The following CHODL variants were observed in gnomAD, a reference collection of about 807,000 sequenced individuals.
The protein encoded by CHODL is chondrolectin, also known as transmembrane protein MT75.
Under a neutral mutation model 34.5 loss-of-function variants are expected in CHODL, and 29 were observed. The ratio of observed to expected loss-of-function variants is 0.84; its 90% CI spans 0.63 to 1.15. The LOEUF (loss-of-function observed/expected upper bound fraction) is 1.15, where lower values mean the gene tolerates loss of function less well. Ranked by LOEUF, CHODL falls within the 50% of genes most tolerant of loss-of-function variation. The pLI, the probability that CHODL is intolerant of heterozygous loss-of-function variation, is 0.00. For synonymous variants in CHODL, 125 were observed against 116.1 expected, an observed-to-expected ratio of 1.08 and a Z score of -0.49; for missense variants, 332 against 332.5, an observed-to-expected ratio of 1.00 and a Z score of 0.01.
At chr21:17,942,329 G>A (rs1600990518) in intron 1 of CHODL, among the ~76,000 whole-genome samples, 1 of 152,124 alleles carries the variant, frequency 6.6e-6, no homozygotes, top group Non-Finnish European at 1.5e-5. Context: ...GAATCATGGG[G>A]GTGGGTCTTT....
At chr21:18,248,593 T>C (rs963854498) in intron 1 of CHODL, among the ~76,000 whole-genome samples, 38 of 136,378 alleles carry the variant, frequency 2.8e-4, no homozygotes, top group African/African-American at 9.1e-4. Context: ...TTTATATATA[T>C]ATATAAAATA....
At chr21:18,072,083 T>C (rs998389121) in intron 2 of CHODL, among the ~76,000 whole-genome samples, 13 of 152,078 alleles carry the variant, frequency 8.5e-5, no homozygotes, top group African/African-American at 2.4e-4. Flanking sequence ...CTATTAATAG[T>C]AAATGTAAAA....
In CHODL at chr21:18,116,769, C is replaced by T. The variant is rs76829176; in HGVS notation, c.-45+88798C>T. ...AGGGTGTGGGTGAATCAGAAGACGT[C>T]ACCTGCTAGGGAGTTGAAGCCTTTG... On this transcript the variant is annotated intron_variant, in intron 2 of 6. Coordinates refer to the CHODL transcript ENST00000400127. Among the ~76,000 whole-genome samples, 430 of 152,270 alleles carry T rather than the reference C, an allele frequency of 2.8e-3. 17 individuals carry two copies. In the East Asian group the frequency reaches 0.066, roughly 23 times the overall value.
intron 1 of CHODL, among the ~76,000 whole-genome samples, chr21:17,970,688 C>T (rs1006720128): frequency 1.7e-4 from 26 of 152,108 alleles, no homozygotes; most frequent in African/African-American, 5.6e-4. Flanking sequence ...GATTTTGCTA[C>T]ACCCATCACT....
intron 2 of CHODL, among the ~76,000 whole-genome samples, chr21:18,152,620 C>T (rs1049324192): frequency 2.0e-5 from 3 of 152,220 alleles, no homozygotes; most frequent in African/African-American, 7.2e-5. Context: ...ACATGGCTCT[C>T]TCAAAACATG....
intron 1 of CHODL, among the ~76,000 whole-genome samples, chr21:17,950,072 A>G (rs1480347195): frequency 1.3e-5 from 2 of 152,200 alleles, no homozygotes; most frequent in African/African-American, 4.8e-5. Flanking sequence ...CAAAATTCTC[A>G]AGTGCTTCAC....
At chr21:18,003,933 GAGGTATAATC>G (rs2063935552) in intron 1 of CHODL, among the ~76,000 whole-genome samples, 1 of 152,162 alleles carries the variant, frequency 6.6e-6, no homozygotes, top group Non-Finnish European at 1.5e-5. Context: ...ATATATTACA[GAGGTATAATC>G]ACTAACCCCA....
chr21:18,114,557 A>G (rs578033315), intron 2 of CHODL, among the ~76,000 whole-genome samples: 1 of 152,208 alleles, frequency 6.6e-6, no homozygotes, highest in East Asian at 1.9e-4. Flanking sequence ...GGTTTAAGCA[A>G]TTCTCCTGCC....
chr21:18,195,997 T>TA (rs1181321679), intron 2 of CHODL, among the ~76,000 whole-genome samples: 2 of 152,168 alleles, frequency 1.3e-5, no homozygotes, highest in African/African-American at 4.8e-5. Flanking sequence ...CATACACAAG[T>TA]TATATGGATA....
chr21:17,964,870 A>G (rs175563), intron 1 of CHODL, among the ~76,000 whole-genome samples: 92,978 of 151,982 alleles, frequency 0.61, 29,550 homozygotes, highest in East Asian at 0.79. Context: ...ACAGTGCCAC[A>G]GATGTGTTGG....
At chr21:18,102,428 A>G (rs1349720348) in intron 2 of CHODL, among the ~76,000 whole-genome samples, 1 of 152,192 alleles carries the variant, frequency 6.6e-6, no homozygotes, top group Non-Finnish European at 1.5e-5. Flanking sequence ...AGCTACATCA[A>G]CATCATGAGG....
intron 2 of CHODL, among the ~76,000 whole-genome samples, chr21:18,164,826 A>G (rs1468397184): frequency 6.6e-6 from 1 of 152,194 alleles, no homozygotes; most frequent in Non-Finnish European, 1.5e-5. Context: ...TGTGTGTCCC[A>G]GTTCTTCTCA....
intron 2 of CHODL, among the ~76,000 whole-genome samples, chr21:18,044,650 CT>C (rs928509748): frequency 3.3e-5 from 5 of 151,666 alleles, no homozygotes; most frequent in African/African-American, 9.7e-5. Flanking sequence ...AAAGAAATAC[CT>C]TTTTTTTCCT....
At chr21:18,206,869 T>C (rs1332320048) in intron 2 of CHODL, among the ~76,000 whole-genome samples, 2 of 22,616 alleles carry the variant, frequency 8.8e-5, no homozygotes, top group Non-Finnish European at 3.2e-4. Flanking sequence ...AACCCATTAT[T>C]ATTATTATTA....
intron 2 of CHODL, among the ~76,000 whole-genome samples, chr21:18,151,249 G>A (rs537632386): frequency 3.2e-4 from 49 of 152,152 alleles, no homozygotes; most frequent in African/African-American, 1.1e-3. Context: ...CGGGTTTCCC[G>A]CTTAGCCTAG....
At chr21:18,118,479 A>G (rs2065439591) in intron 2 of CHODL, among the ~76,000 whole-genome samples, 1 of 152,214 alleles carries the variant, frequency 6.6e-6, no homozygotes, top group Non-Finnish European at 1.5e-5. Flanking sequence ...TGTCTGAATT[A>G]GCTTTATCCA....
intron 2 of CHODL, among the ~76,000 whole-genome samples, chr21:18,145,818 T>A (rs1028663881): frequency 7.9e-5 from 12 of 152,228 alleles, no homozygotes; most frequent in Admixed American, 2.6e-4. Context: ...CTGGGAAAGA[T>A]TCAGATCTTT....
chr21:18,137,897 C>G (rs377380173), intron 2 of CHODL, among the ~76,000 whole-genome samples: 1 of 151,996 alleles, frequency 6.6e-6, no homozygotes, highest in African/African-American at 2.4e-5. Flanking sequence ...CATGTATATA[C>G]AGTGTATGTT....
chr21:18,259,471 G>C (rs370251392), intron 3 of CHODL, among the ~76,000 whole-genome samples: 1 of 152,118 alleles, frequency 6.6e-6, no homozygotes, highest in African/African-American at 2.4e-5. Context: ...CATGGCACAC[G>C]TTTACCCACG....
Sources: gnomAD v4.1 joint callset for allele counts (sites outside exome capture counted in the v4.1 genomes callset) on GRCh38, gnomAD v4.1.1 for gene constraint, MANE v1.5 for transcripts, NCBI Gene and HGNC (gene_info 2026-07-23, HGNC 2026-07-21) for gene names.